Variants in CIAO3 observed in about 807,000 individuals in gnomAD.
The protein encoded by CIAO3 is cytosolic iron-sulfur assembly component 3.
In CIAO3, 45 loss-of-function variants were observed where a neutral mutation model predicts 51.5. The ratio of observed to expected loss-of-function variants is 0.87; its 90% CI spans 0.69 to 1.12. The LOEUF (loss-of-function observed/expected upper bound fraction) is 1.12, where lower values mean the gene tolerates loss of function less well. CIAO3 is among the 50% of genes most tolerant of loss of function. The probability of loss-of-function intolerance (pLI) is 0.00; values close to 1 mark genes in which losing one functional copy is unlikely to be tolerated. For synonymous variants in CIAO3, 314 were observed against 269.3 expected, an observed-to-expected ratio of 1.17 and a Z score of -1.63; for missense variants, 668 against 632.5, an observed-to-expected ratio of 1.06 and a Z score of -0.60.
chr16:730,739 G>GC lies in CIAO3; in HGVS notation c.1193-85dup, dbSNP rs984345252. The GC allele has an allele frequency of 6.8e-5, 107 of 1,579,560 alleles. No homozygotes were observed. The Admixed American group carries it at 1.8e-3, about 26-fold the overall frequency. ...CACCAGGGAGCAGGGAGGTGACCGGGCCCCCTCTGTGCCCCACTTCCTCCC... is the reference window on the plus strand; with the variant it reads ...CACCAGGGAGCAGGGAGGTGACCGGGCCCCCCTCTGTGCCCCACTTCCTCCC... On this transcript the variant is annotated intron_variant, in intron 10 of 10. Coordinates refer to ENST00000251588, the MANE Select transcript of CIAO3 (RefSeq NM_022493.3).
intron 8 of CIAO3, 154 bp from the exon 9 acceptor site, chr16:731,856 A>G: frequency 3.9e-6 from 4 of 1,025,320 alleles, no homozygotes; most frequent in Non-Finnish European, 5.4e-6. Flanking sequence ...CAGCCATCAC[A>G]GGGGCCCAGC....
chr16:736,100 G>C (rs2041334349), intron 4 of CIAO3, among the ~76,000 whole-genome samples, 166 bp downstream of exon 4: 1 of 152,154 alleles, frequency 6.6e-6, no homozygotes, highest in Non-Finnish European at 1.5e-5. Flanking sequence ...GCTCTCAAAT[G>C]TCAAATCAAA....
At chr16:738,213 C>T (rs903245474) in intron 2 of CIAO3, 6 of 993,076 alleles carry the variant, frequency 6.0e-6, no homozygotes, top group Non-Finnish European at 7.2e-6. Context: ...CACCCCAGCA[C>T]CTTCCAGGGG....
chr16:730,413 G>GC lies in CIAO3; in HGVS notation c.*3dup. 6.3e-7 allele frequency: 1 copy of GC among 1,599,666 alleles called. No individual in the cohort carries two copies. Among genetic ancestry groups the GC allele is most frequent in the Non-Finnish European group, 8.5e-7 (1 of 1,178,918 alleles). On this transcript the variant is annotated 3_prime_UTR_variant, in exon 11 of 11. Transcript: ENST00000251588. The stretch of plus-strand genomic sequence containing the variant: ...GCCTCCTGGGAGTCCTGGTCCTGCA[G>GC]CCCCTACCACCGGATGCCCAGGCCA...
At chr16:735,781 A>G (rs1440316316) in intron 4 of CIAO3, among the ~76,000 whole-genome samples, 1 of 152,186 alleles carries the variant, frequency 6.6e-6, no homozygotes, top group Non-Finnish European at 1.5e-5. Flanking sequence ...CTCACTGGGA[A>G]TGAAGGGACT....
At position 740,919 on chromosome 16, in the gene CIAO3, C is replaced by A; in HGVS notation, c.66+1G>T. ...GACCCCGCCCGCCCAGGCCGGCCCA[C>A]CTGAGACGGCCCGATGAAGTCATCC... On this transcript the variant is annotated splice_donor_variant, in intron 1 of 10. Transcript: ENST00000251588. LOFTEE classifies it high-confidence loss of function. 1 of 1,529,002 alleles carries A rather than the reference C, an allele frequency of 6.5e-7. No individual in the cohort carries two copies. 94.7% of individuals were successfully genotyped at this position (1,529,002 alleles called of 1,614,324 possible).
At position 736,305 on chromosome 16, in the gene CIAO3, C is replaced by T. The variant is rs902143218; in HGVS notation, c.400G>A (p.Asp134Asn). 7.4e-6 allele frequency: 12 copies of T among 1,613,054 alleles called. No individual in the cohort carries two copies. Among genetic ancestry groups the T allele is most frequent in the Non-Finnish European group, 1.0e-5 (12 of 1,179,822 alleles). ...LAARFQLNPT[D>N]TARKLTSFFK... ...AATGAGGTTAATTTCCTGGCAGTATCTGTAGGATTCAGCTGAAACCGTGCA... is the reference window on the plus strand; with the variant it reads ...AATGAGGTTAATTTCCTGGCAGTATTTGTAGGATTCAGCTGAAACCGTGCA... The change falls in exon 4 of 11, where the codon GAT becomes AAT. Residue 134 changes from aspartate (D) to asparagine (N), a missense_variant. By Grantham distance (23) the Asp-to-Asn change is conservative. Coordinates refer to ENST00000251588, the MANE Select transcript of CIAO3 (RefSeq NM_022493.3).
rs762724088 is a variant in CIAO3, at chr16:730,895, G to A, written c.1140C>T (p.Leu380=). ...FRNIQNLVQR[L]KRGRCPYHYV... is the part of the protein sequence containing the mutation. ...AGTGGTAGGGGCAGCGCCCTCGTTT[G>A]AGCCTCTGCACCAGGTTCTGGATGT... The change falls in exon 10 of 11, where the codon CTC becomes CTT. Residue 380 remains leucine (L), a synonymous_variant. Coordinates refer to ENST00000251588, the MANE Select transcript of CIAO3 (RefSeq NM_022493.3). 1.2e-6 allele frequency: 2 copies of A among 1,612,924 alleles called. No individual in the cohort carries two copies. The highest frequency in any genetic ancestry group is 1.7e-6 in the Non-Finnish European group (2 of 1,180,008).
rs2041382507 is a variant in CIAO3 at position 740,809 on chromosome 16, C to T, written c.66+111G>A. 9 of 1,189,268 alleles carry T rather than the reference C, an allele frequency of 7.6e-6. No individual in the cohort carries two copies. In the East Asian group the frequency reaches 2.6e-4, roughly 34 times the overall value. The allele number at this position is 1,189,268 out of a possible 1,614,324, so 73.7% of individuals were successfully genotyped here. A position where few individuals can be genotyped will look rare whatever the true frequency, so the allele number is the denominator to read the frequency against. ...GTCCCTGACGGCCCAGACCGGGCTC[C>T]CGGGATTCGGATCTCATTCCTCAGG... On this transcript the variant is annotated intron_variant, in intron 1 of 10. Transcript: ENST00000251588.
chr16:731,788 G>T (rs114515482), intron 8 of CIAO3, 86 bp from the exon 9 acceptor site: 2 of 1,415,174 alleles, frequency 1.4e-6, no homozygotes, highest in East Asian at 2.6e-5. Flanking sequence ...ACACATGAGC[G>T]TTTGCATTTC....
intron 2 of CIAO3, chr16:738,079 C>G (rs953259621): frequency 6.7e-6 from 7 of 1,038,978 alleles, no homozygotes; most frequent in Non-Finnish European, 8.1e-6. Flanking sequence ...AATCTGAGCT[C>G]GCCTTGTATT....
intron 1 of CIAO3, 117 bp from the exon 2 acceptor site, chr16:739,855 G>C: frequency 1.6e-6 from 2 of 1,260,872 alleles, no homozygotes; most frequent in Non-Finnish European, 2.2e-6. Flanking sequence ...CAGGAGCCAT[G>C]CACTCAGGGA....
rs754944184 is a variant in CIAO3, at chr16:731,657, C to T, written c.942G>A (p.Gly314=). The change falls in exon 9 of 11, where the codon GGG becomes GGA. Residue 314 remains glycine (G), a synonymous_variant. Transcript: ENST00000251588. ...CGTGCTCCAGGTAGCCCCCCGAGCCCCCTCCCCGATGGCTGGTGGGCTCCT... is the reference window on the plus strand; with the variant it reads ...CGTGCTCCAGGTAGCCCCCCGAGCCTCCTCCCCGATGGCTGGTGGGCTCCT... The part of the protein sequence containing the change: ...SAEEPTSHRG[G]GSGGYLEHVF... The T allele has an allele frequency of 6.4e-7, 1 of 1,557,806 alleles. No individual in the cohort carries two copies. Among genetic ancestry groups the T allele is most frequent in the South Asian group, 1.2e-5 (1 of 84,748 alleles).
chr16:736,516 G>GTA, intron 3 of CIAO3, 118 bp from the exon 4 acceptor site: 1 of 1,195,300 alleles, frequency 8.4e-7, no homozygotes, highest in African/African-American at 1.7e-5. Context: ...TCCATCAAGA[G>GTA]TCTTTTTTTT....
chr16:736,299 C>T lies in CIAO3; in HGVS notation c.406G>A (p.Ala136Thr), dbSNP rs773960299. The T allele has an allele frequency of 1.2e-6, 2 of 1,612,982 alleles. No individual in the cohort carries two copies. Among genetic ancestry groups the T allele is most frequent in the Non-Finnish European group, 1.7e-6 (2 of 1,179,806 alleles). Reference protein sequence around the residue: ...ARFQLNPTDTARKLTSFFKKI... With the variant: ...ARFQLNPTDTTRKLTSFFKKI... ...TTAAAGAATGAGGTTAATTTCCTGG[C>T]AGTATCTGTAGGATTCAGCTGAAAC... Residue 136 changes from alanine (A) to threonine (T), a missense_variant, in exon 4 of 11, where the codon GCC becomes ACC. Ala to Thr is a moderately conservative substitution (Grantham distance 58). Coordinates refer to ENST00000251588, the MANE Select transcript of CIAO3 (RefSeq NM_022493.3).
chr16:735,048 C>T (rs374465994), intron 4 of CIAO3, 177 bp from the exon 5 acceptor site: 1 of 858,476 alleles, frequency 1.2e-6, no homozygotes. Flanking sequence ...AAGCCCCAGC[C>T]CCACTGTGGG....
At position 736,256 on chromosome 16, in the gene CIAO3, C is replaced by T; in HGVS notation, c.439+10G>A. The T allele has an allele frequency of 6.2e-7, 1 of 1,612,386 alleles. No individual in the cohort carries two copies. Among genetic ancestry groups the T allele is most frequent in the Non-Finnish European group, 8.5e-7 (1 of 1,179,634 alleles). The stretch of plus-strand genomic sequence containing the variant: ...TGGAGCGGCAGTGTTACCCCAGGTT[C>T]AAAGCCTACCTATTTTTTTAAAGAA... On this transcript the variant is annotated intron_variant, in intron 4 of 10. Transcript: ENST00000251588.
chr16:734,540 G>T, intron 5 of CIAO3, 193 bp from the exon 6 acceptor site: 1 of 1,026,856 alleles, frequency 9.7e-7, no homozygotes, highest in Non-Finnish European at 1.5e-6. Flanking sequence ...GGGACCTGAG[G>T]TGACTGCGCG....
At chr16:739,247 C>G (rs186021406) in intron 2 of CIAO3, 2 of 195,662 alleles carry the variant, frequency 1.0e-5, no homozygotes, top group African/African-American at 4.7e-5. Flanking sequence ...TGCAGTGAGC[C>G]GAGATCATGC....
Sources: allele counts gnomAD v4.1 joint callset (sites outside exome capture counted in the v4.1 genomes callset), GRCh38; gene constraint gnomAD v4.1.1; transcripts MANE v1.5; gene names NCBI Gene and HGNC (gene_info 2026-07-23, HGNC 2026-07-21).